The following SBNO2 variants were observed in gnomAD, a reference collection of about 807,000 sequenced individuals.
SBNO2 encodes protein strawberry notch homolog 2.
In SBNO2, 89 loss-of-function variants were observed where a neutral mutation model predicts 146.3. That is an observed-to-expected ratio of 0.61 (90% confidence interval 0.51 to 0.73). The LOEUF (loss-of-function observed/expected upper bound fraction) is 0.73, where lower values mean the gene tolerates loss of function less well. Among genes scored for constraint, SBNO2 ranks in the 30% least tolerant of loss-of-function variants. The pLI is 0.00. For synonymous variants in SBNO2, 1,147 were observed against 892.6 expected (o/e 1.29, Z -5.08); for missense variants, 2,092 against 2,003.7 (o/e 1.04, Z -0.84).
chr19:1,124,229 G>A, intron 5 of SBNO2: 1 of 604,800 alleles, frequency 1.7e-6, no homozygotes, highest in South Asian at 1.9e-5. Context: ...ACCTCCCTGG[G>A]GCCTAAGGCT....
At chr19:1,154,481 A>G (rs1374990043) in intron 1 of SBNO2, 79 bp from the exon 2 acceptor site, 1 of 382,670 alleles carries the variant, frequency 2.6e-6, no homozygotes, top group African/African-American at 2.1e-5. Context: ...TCCCTCGGGC[A>G]TGACCGGTCC....
Position 1,109,238 on chromosome 19 carries a change from G to A in SBNO2, c.3349-27C>T, listed in dbSNP as rs760595780. The A allele has an allele frequency of 7.0e-6, 11 of 1,572,158 alleles. No individual in the cohort carries two copies. Among genetic ancestry groups the A allele is most frequent in the Non-Finnish European group, 9.5e-6 (11 of 1,159,506 alleles). ...TAGGGACACAGGGCCGCATGAGCCTGGGCGGGGTCAGGGCCGGCAACCCGA... is the reference window on the plus strand; with the variant it reads ...TAGGGACACAGGGCCGCATGAGCCTAGGCGGGGTCAGGGCCGGCAACCCGA... On this transcript the variant is annotated intron_variant, in intron 29 of 31. Transcript: ENST00000361757. This position sits in a 1 kb window ranked among gnomAD's most constrained non-coding sequence, Gnocchi z 4.2.
chr19:1,139,705 G>C (rs2080117695), intron 4 of SBNO2, among the ~76,000 whole-genome samples: 1 of 152,074 alleles, frequency 6.6e-6, no homozygotes, highest in South Asian at 2.1e-4. Context: ...TGAGGCAGGA[G>C]AATCACTTGA....
chr19:1,139,655 C>CG (rs768973414), intron 4 of SBNO2, among the ~76,000 whole-genome samples: 4 of 152,108 alleles, frequency 2.6e-5, no homozygotes, highest in Non-Finnish European at 5.9e-5. Context: ...ATCAGCTGGG[C>CG]GCGGTGGCGC....
At chr19:1,134,731 A>G (rs2080069918) in intron 4 of SBNO2, among the ~76,000 whole-genome samples, 1 of 151,982 alleles carries the variant, frequency 6.6e-6, no homozygotes, top group Non-Finnish European at 1.5e-5. Context: ...TGGTTGCACA[A>G]CTCTGTGAAT....
intron 2 of SBNO2, among the ~76,000 whole-genome samples, chr19:1,153,356 G>A (rs1366279159): frequency 6.6e-6 from 1 of 151,042 alleles, no homozygotes; most frequent in African/African-American, 2.4e-5. Context: ...TCCTGCCTCA[G>A]CCTCCCAAGT....
chr19:1,122,878 G>C lies in SBNO2; in HGVS notation c.780+16C>G. 6.5e-7 allele frequency: 1 copy of C among 1,541,370 alleles called. No individual in the cohort carries two copies. The highest frequency in any genetic ancestry group is 8.7e-7 in the Non-Finnish European group (1 of 1,143,934). On this transcript the variant is annotated intron_variant, in intron 8 of 31. Coordinates refer to ENST00000361757, the MANE Select transcript of SBNO2 (RefSeq NM_014963.3). ...TCGCGGACACAGGCTGGGCTGGGTT[G>C]GGGACATGCGGTCACCTGGCAGGCG...
At chr19:1,131,349 G>C (rs1430814268) in intron 4 of SBNO2, among the ~76,000 whole-genome samples, 1 of 152,216 alleles carries the variant, frequency 6.6e-6, no homozygotes, top group African/African-American at 2.4e-5. Context: ...GGGCCCCAGG[G>C]AGGGCCGGGG....
chr19:1,116,959 C>T (rs1427093866), intron 15 of SBNO2, 33 bp from the exon 16 acceptor site: 5 of 1,525,332 alleles, frequency 3.3e-6, no homozygotes, highest in East Asian at 2.4e-5. Context: ...GAGCCACCAG[C>T]CCTGCTGTGG....
At chr19:1,145,489 G>A (rs11881226) in intron 4 of SBNO2, among the ~76,000 whole-genome samples, 13,441 of 145,082 alleles carry the variant, frequency 0.093, 1,688 homozygotes, top group African/African-American at 0.3. Context: ...AAAAAAAAAA[G>A]AAAGAAAGAA....
At chr19:1,113,829 G>T in intron 18 of SBNO2, 125 bp from the exon 19 acceptor site, 1 of 1,249,920 alleles carries the variant, frequency 8.0e-7, no homozygotes, top group Non-Finnish European at 1.0e-6. Flanking sequence ...ACGGCAGGGT[G>T]GCGGGGAAGC....
At chr19:1,141,497 G>A (rs2080136906) in intron 4 of SBNO2, among the ~76,000 whole-genome samples, 2 of 152,086 alleles carry the variant, frequency 1.3e-5, no homozygotes, top group South Asian at 2.1e-4. Context: ...TTACAAGCTT[G>A]AGCACTGCGC....
intron 11 of SBNO2, among the ~76,000 whole-genome samples, chr19:1,120,291 C>T (rs1020454007): frequency 2.0e-5 from 3 of 152,176 alleles, no homozygotes; most frequent in Admixed American, 2.0e-4. Context: ...GGGCCTCCGG[C>T]GAGGAAGGGT....
rs1364710228 is a variant in SBNO2 at position 1,144,474 on chromosome 19, C to T, written c.279+2835G>A. Reference sequence around the variant, plus strand: ...CCGAGGGCTCCGGGCTGAACAGATGCAGCAGCAATTGTTCAGGAGGGGAGG... The same window carrying T: ...CCGAGGGCTCCGGGCTGAACAGATGTAGCAGCAATTGTTCAGGAGGGGAGG... On this transcript the variant is annotated intron_variant, in intron 4 of 31. Coordinates refer to ENST00000361757, the MANE Select transcript of SBNO2 (RefSeq NM_014963.3). The surrounding 1 kb of genome is among the most constrained non-coding windows in gnomAD (Gnocchi z 4.1). Among the ~76,000 whole-genome samples the T allele has an allele frequency of 6.6e-6, 1 of 152,126 alleles. No homozygotes were observed. The highest frequency in any genetic ancestry group is 1.5e-5 in the Non-Finnish European group (1 of 68,044).
intron 2 of SBNO2, among the ~76,000 whole-genome samples, chr19:1,152,023 C>T (rs903383410): frequency 1.1e-4 from 17 of 151,918 alleles, no homozygotes; most frequent in Admixed American, 3.3e-4. Flanking sequence ...TGTGCGTGTG[C>T]GAACTCAGTC....
chr19:1,129,558 C>G (rs1042625345), intron 4 of SBNO2, among the ~76,000 whole-genome samples: 3 of 152,140 alleles, frequency 2.0e-5, no homozygotes, highest in African/African-American at 4.8e-5. Context: ...CTGGAGGCCC[C>G]GATCGGCAGG....
rs933620464 is a variant in SBNO2 at position 1,123,077 on chromosome 19, G to C, written c.629-32C>G. 6 of 1,583,666 alleles carry C rather than the reference G, an allele frequency of 3.8e-6. No individual in the cohort carries two copies. The Admixed American group carries it at 9.0e-5, about 24-fold the overall frequency. On this transcript the variant is annotated intron_variant, in intron 7 of 31. Coordinates refer to ENST00000361757, the MANE Select transcript of SBNO2 (RefSeq NM_014963.3). ...GAGCAAGGACGGAGGGCAAGGTAAAGGGTATGGCCAAGGGGTGACCAGGGC... is the reference window on the plus strand; with the variant it reads ...GAGCAAGGACGGAGGGCAAGGTAAACGGTATGGCCAAGGGGTGACCAGGGC...
In SBNO2 at chr19:1,109,409, C is replaced by T. The variant is rs1163248510; in HGVS notation, c.3231G>A (p.Lys1077=). ...FYLSYKVRGN[K]PSCLLAEQNR... ...TCTGCTCCGCCAGCAGGCAGCTGGG[C>T]TTGTTACCGCGGACCTGCGGAGGGG... Residue 1077 remains lysine (K), a synonymous_variant, in exon 29 of 32, where the codon AAG becomes AAA. Coordinates refer to ENST00000361757, the MANE Select transcript of SBNO2 (RefSeq NM_014963.3). This position sits in a 1 kb window ranked among gnomAD's most constrained non-coding sequence, Gnocchi z 4.2. The T allele has an allele frequency of 7.7e-6, 12 of 1,566,222 alleles. No individual in the cohort carries two copies. In the South Asian group the frequency reaches 1.0e-4, roughly 14 times the overall value.
In SBNO2 at chr19:1,112,492, G is replaced by A. The variant is rs749583340; in HGVS notation, c.2425C>T (p.Gln809Ter). The A allele has an allele frequency of 6.2e-7, 1 of 1,606,478 alleles. No homozygotes were observed. Among genetic ancestry groups the A allele is most frequent in the East Asian group, 2.2e-5 (1 of 44,780 alleles). ...TGGTTCTGGACACGGCGGTCGGCTT[G>A]GAGGGAGACACCCGAGCTGGAGGCC... is the stretch of plus-strand genomic sequence containing the variant. ...SEASSSGVSL[Q>*]ADRRVQNQRR... Residue 809 changes from glutamine (Q) to a stop codon, truncating the protein, a stop_gained, in exon 21 of 32, where the codon CAA becomes TAA. Transcript: ENST00000361757. LOFTEE classifies it high-confidence loss of function. This position sits in a 1 kb window ranked among gnomAD's most constrained non-coding sequence, Gnocchi z 5.9.
Sources: gnomAD v4.1 joint callset for allele counts (sites outside exome capture counted in the v4.1 genomes callset) on GRCh38, gnomAD v4.1.1 for gene constraint, Gnocchi (gnomAD v3.1) non-coding constraint, MANE v1.5 for transcripts, NCBI Gene and HGNC (gene_info 2026-07-23, HGNC 2026-07-21) for gene names.